PDE4D: variants seen among roughly 807,000 people sequenced by gnomAD.
PDE4D encodes the protein phosphodiesterase 4D, also known as 3',5'-cyclic-AMP phosphodiesterase 4D.
A neutral mutation model predicts 87.4 loss-of-function variants in PDE4D; 24 were observed. The ratio of observed to expected loss-of-function variants is 0.27; its 90% CI spans 0.20 to 0.39. The LOEUF (loss-of-function observed/expected upper bound fraction) is 0.39, where lower values mean the gene tolerates loss of function less well. PDE4D is among the 10% of genes least tolerant of loss of function. The pLI is 1.00. For synonymous variants in PDE4D, 384 were observed against 383.2 expected (o/e 1.00, Z -0.02); for missense variants, 714 against 1,041.0 (o/e 0.69, Z 4.32).
chr5:59,013,511 T>TAGATA (rs142355159), intron 6 of PDE4D, among the ~76,000 whole-genome samples: 1 of 150,488 alleles, frequency 6.6e-6, no homozygotes, highest in East Asian at 2.0e-4. Context: ...CATCAGAGAA[T>TAGATA]AACACCTCTA....
Position 59,341,791 on chromosome 5 carries a change from C to T in PDE4D, c.456-125823G>A, listed in dbSNP as rs542018046. Reference sequence around the variant, plus strand: ...CACTATAGAAAAGCATAAAATCAGTCTTGTTTCATAAATTAATTTTTCTAT... The same window carrying T: ...CACTATAGAAAAGCATAAAATCAGTTTTGTTTCATAAATTAATTTTTCTAT... On this transcript the variant is annotated intron_variant, in intron 1 of 14. Coordinates refer to ENST00000340635, the MANE Select transcript of PDE4D (RefSeq NM_001104631.2). Among the ~76,000 whole-genome samples, 6 of 152,192 alleles carry T rather than the reference C, an allele frequency of 3.9e-5. No homozygotes were observed. In the South Asian group the frequency reaches 1.2e-3, roughly 32 times the overall value.
chr5:59,554,758 G>A (rs1818631110), intron 1 of PDE4D, among the ~76,000 whole-genome samples: 1 of 152,122 alleles, frequency 6.6e-6, no homozygotes. Context: ...TACCAAGAGA[G>A]GTCAGTCATA....
At position 59,011,595 on chromosome 5, in the gene PDE4D, A is replaced by G. The variant is rs187877473; in HGVS notation, c.922-18130T>C. Among the ~76,000 whole-genome samples, 149 of 152,338 alleles carry G rather than the reference A, an allele frequency of 9.8e-4. 2 individuals are homozygous for G. The highest frequency in any genetic ancestry group is 3.2e-3 in the African/African-American group (135 of 41,574). On this transcript the variant is annotated intron_variant, in intron 6 of 14. Transcript: ENST00000340635. ...ATGAATGAAATGAAGCAAGAAGAGA[A>G]GTTTAGAGAAAAAAGAGTAAAAATA...
chr5:59,051,561 TG>T (rs1321058209), intron 5 of PDE4D, among the ~76,000 whole-genome samples: 1 of 152,242 alleles, frequency 6.6e-6, no homozygotes, highest in Non-Finnish European at 1.5e-5. Flanking sequence ...TCCTTACTAA[TG>T]ACGTTTTGTG....
chr5:59,289,633 A>G (rs1325187721), intron 1 of PDE4D, among the ~76,000 whole-genome samples: 5 of 152,058 alleles, frequency 3.3e-5, no homozygotes, highest in Admixed American at 3.3e-4. Flanking sequence ...GGGACAAGAT[A>G]AGGATGCCCA....
chr5:60,093,942 A>G (rs1198224479), intron 2 of PDE4D, among the ~76,000 whole-genome samples: 1 of 152,200 alleles, frequency 6.6e-6, no homozygotes, highest in Non-Finnish European at 1.5e-5. Flanking sequence ...GAGTAATTTT[A>G]ATATTAATCT....
intron 3 of PDE4D, among the ~76,000 whole-genome samples, chr5:59,187,465 CAG>C (rs1344067252): frequency 6.6e-6 from 1 of 152,118 alleles, no homozygotes; most frequent in Non-Finnish European, 1.5e-5. Context: ...GAGGGACACT[CAG>C]GGGACATTAA....
intron 1 of PDE4D, among the ~76,000 whole-genome samples, chr5:59,515,631 A>T (rs182924125): frequency 6.6e-6 from 1 of 152,360 alleles, no homozygotes; most frequent in Admixed American, 6.5e-5. Flanking sequence ...AAATTATTAG[A>T]TTTGGATATA....
chr5:59,253,805 C>T (rs1760446574), intron 1 of PDE4D, among the ~76,000 whole-genome samples: 1 of 151,852 alleles, frequency 6.6e-6, no homozygotes, highest in Non-Finnish European at 1.5e-5. Flanking sequence ...GAAATCAAGC[C>T]CTCTATGGCA....
chr5:59,188,725 AG>A (rs1743503908), intron 3 of PDE4D, among the ~76,000 whole-genome samples: 1 of 152,158 alleles, frequency 6.6e-6, no homozygotes. Flanking sequence ...CTCCGGAAAA[AG>A]CTGGAGTCAA....
chr5:60,486,223 A>G (rs1749127452), intron 1 of PDE4D, among the ~76,000 whole-genome samples: 1 of 152,132 alleles, frequency 6.6e-6, no homozygotes, highest in Non-Finnish European at 1.5e-5. Flanking sequence ...TATTTTATAG[A>G]TGCACTCCTT....
intron 5 of PDE4D, among the ~76,000 whole-genome samples, chr5:59,156,852 G>C (rs547811875): frequency 6.6e-6 from 1 of 152,092 alleles, no homozygotes; most frequent in African/African-American, 2.4e-5. Flanking sequence ...AGAACGAATA[G>C]AGATTTCTTG....
At chr5:59,964,868 C>T (rs928780504) in intron 3 of PDE4D, among the ~76,000 whole-genome samples, 3 of 152,112 alleles carry the variant, frequency 2.0e-5, no homozygotes, top group Non-Finnish European at 4.4e-5. Context: ...CTGTGTACCT[C>T]GTCAGCCTCA....
intron 1 of PDE4D, among the ~76,000 whole-genome samples, chr5:59,464,763 A>C (rs1392336265): frequency 6.6e-6 from 1 of 150,830 alleles, no homozygotes; most frequent in Non-Finnish European, 1.5e-5. Flanking sequence ...CACTCGGGTC[A>C]TGCAGGAATC....
chr5:60,023,212 C>T (rs1033165996), intron 2 of PDE4D, among the ~76,000 whole-genome samples: 1 of 152,174 alleles, frequency 6.6e-6, no homozygotes, highest in African/African-American at 2.4e-5. Flanking sequence ...TAGAACTCTC[C>T]ACGGTGCATA....
At chr5:59,939,425 A>G (rs1231269038) in intron 3 of PDE4D, among the ~76,000 whole-genome samples, 1 of 152,244 alleles carries the variant, frequency 6.6e-6, no homozygotes, top group Non-Finnish European at 1.5e-5. Context: ...AAACATATAA[A>G]GCCCTTGAGC....
At chr5:59,106,206 T>C in intron 5 of PDE4D, among the ~76,000 whole-genome samples, 1 of 152,088 alleles carries the variant, frequency 6.6e-6, no homozygotes, top group East Asian at 1.9e-4. Flanking sequence ...TGAGCTTCCT[T>C]TGGAAAGGTG....
chr5:59,097,738 C>T (rs1770000099), intron 5 of PDE4D, among the ~76,000 whole-genome samples: 1 of 152,286 alleles, frequency 6.6e-6, no homozygotes, highest in Admixed American at 6.5e-5. Context: ...TGCTTAAAAG[C>T]CAAATACACT....
At chr5:59,459,896 A>T (rs1800500841) in intron 1 of PDE4D, among the ~76,000 whole-genome samples, 1 of 152,216 alleles carries the variant, frequency 6.6e-6, no homozygotes, top group Non-Finnish European at 1.5e-5. Flanking sequence ...TCAGATATCA[A>T]TTCCTCTAAG....
Sources: allele counts gnomAD v4.1 joint callset (sites outside exome capture counted in the v4.1 genomes callset), GRCh38; gene constraint gnomAD v4.1.1; transcripts MANE v1.5; gene names NCBI Gene and HGNC (gene_info 2026-07-23, HGNC 2026-07-21).